Variants in TEX36 observed in about 807,000 individuals in gnomAD.
TEX36 encodes the protein testis-expressed protein 36.
A neutral mutation model predicts 13.6 loss-of-function variants in TEX36; 12 were observed. That is an observed-to-expected ratio of 0.88 (90% CI 0.56 to 1.43). TEX36 has a LOEUF of 1.43. TEX36 is among the 40% of genes most tolerant of loss of function. The pLI is 0.00. For synonymous variants in TEX36, 93 were observed against 83.0 expected, an observed-to-expected ratio of 1.12 and a Z score of -0.65; for missense variants, 224 against 228.3, an observed-to-expected ratio of 0.98 and a Z score of 0.12.
At chr10:125,611,424 C>T (rs1206407170) in intron 3 of TEX36, among the ~76,000 whole-genome samples, 1 of 152,118 alleles carries the variant, frequency 6.6e-6, no homozygotes, top group Admixed American at 6.5e-5. Context: ...AAAAGACATG[C>T]TATTGTTGTA....
At chr10:125,629,707 G>A (rs991299683) in intron 3 of TEX36, among the ~76,000 whole-genome samples, 1 of 152,100 alleles carries the variant, frequency 6.6e-6, no homozygotes, top group Non-Finnish European at 1.5e-5. Flanking sequence ...AGGGATGAAG[G>A]CCTTCCCAGC....
At chr10:125,577,516 C>A (rs866257067) in intron 3 of TEX36, among the ~76,000 whole-genome samples, 19 of 151,988 alleles carry the variant, frequency 1.3e-4, no homozygotes, top group East Asian at 5.8e-4. Context: ...AGAACACACA[C>A]AAAAAAATTG....
At chr10:125,599,369 G>A (rs529289704) in intron 3 of TEX36, among the ~76,000 whole-genome samples, 2 of 152,240 alleles carry the variant, frequency 1.3e-5, no homozygotes, top group East Asian at 3.9e-4. Flanking sequence ...CTGCCCTGGG[G>A]GCAGTGTCCT....
chr10:125,590,635 T>C (rs1419886011), intron 3 of TEX36, among the ~76,000 whole-genome samples: 2 of 152,152 alleles, frequency 1.3e-5, no homozygotes, highest in African/African-American at 2.4e-5. Context: ...TCCATGTCAA[T>C]AATGTACTGA....
intron 1 of TEX36, among the ~76,000 whole-genome samples, chr10:125,672,584 C>G (rs1354547576): frequency 1.3e-5 from 2 of 152,132 alleles, no homozygotes; most frequent in African/African-American, 4.8e-5. Context: ...TGCCATGTGG[C>G]ACCAAGAAGA....
At chr10:125,599,837 A>G (rs551627671) in intron 3 of TEX36, among the ~76,000 whole-genome samples, 15 of 152,306 alleles carry the variant, frequency 9.8e-5, no homozygotes, top group African/African-American at 3.6e-4. Context: ...CCCATCCGTA[A>G]ATGTGAGGCC....
At chr10:125,633,346 G>T (rs1224324678) in intron 3 of TEX36, among the ~76,000 whole-genome samples, 1 of 152,152 alleles carries the variant, frequency 6.6e-6, no homozygotes, top group East Asian at 1.9e-4. Flanking sequence ...GCTGATATTT[G>T]GTTGAATTTC....
At chr10:125,668,491 A>T (rs2133603726) in intron 1 of TEX36, among the ~76,000 whole-genome samples, 1 of 152,176 alleles carries the variant, frequency 6.6e-6, no homozygotes, top group South Asian at 2.1e-4. Flanking sequence ...TTTATTTAAA[A>T]AAAGATCTCC....
chr10:125,638,565 AAGT>A (rs1846647059), intron 3 of TEX36, among the ~76,000 whole-genome samples: 2 of 152,214 alleles, frequency 1.3e-5, no homozygotes, highest in African/African-American at 4.8e-5. Flanking sequence ...ATCAGATAAT[AAGT>A]TTATGTTGTT....
chr10:125,669,399 G>C (rs1245949353), intron 1 of TEX36, among the ~76,000 whole-genome samples: 3 of 152,030 alleles, frequency 2.0e-5, no homozygotes, highest in Non-Finnish European at 4.4e-5. Flanking sequence ...ATAATCACTT[G>C]AACCTGGGAG....
At chr10:125,670,372 T>C (rs1847203663) in intron 1 of TEX36, among the ~76,000 whole-genome samples, 1 of 152,244 alleles carries the variant, frequency 6.6e-6, no homozygotes, top group Admixed American at 6.5e-5. Flanking sequence ...TTCATATGTT[T>C]GTTGGCCGCA....
At chr10:125,623,615 A>T (rs913119755) in intron 3 of TEX36, among the ~76,000 whole-genome samples, 1 of 150,440 alleles carries the variant, frequency 6.6e-6, no homozygotes, top group Non-Finnish European at 1.5e-5. Flanking sequence ...TTAGTCCCTG[A>T]TCAACCAAAC....
chr10:125,618,138 C>A (rs1264598106), downstream of TEX36, among the ~76,000 whole-genome samples: 3 of 152,140 alleles, frequency 2.0e-5, no homozygotes, highest in Admixed American at 6.5e-5. Context: ...TCAGCTCCAT[C>A]AGCTCCTTTA....
chr10:125,597,708 C>G (rs774669120), intron 3 of TEX36, among the ~76,000 whole-genome samples: 21 of 152,162 alleles, frequency 1.4e-4, no homozygotes, highest in Non-Finnish European at 2.8e-4. Flanking sequence ...AGGACTTGCT[C>G]CAGGCCCCAC....
intron 3 of TEX36, among the ~76,000 whole-genome samples, chr10:125,642,595 G>A (rs1846707519): frequency 6.6e-6 from 1 of 152,182 alleles, no homozygotes; most frequent in Non-Finnish European, 1.5e-5. Flanking sequence ...TAAAGTGTGG[G>A]AGGGAGTTTA....
intron 3 of TEX36, among the ~76,000 whole-genome samples, chr10:125,625,807 C>T (rs562252761): frequency 2.0e-5 from 3 of 152,362 alleles, no homozygotes; most frequent in African/African-American, 7.2e-5. Flanking sequence ...GTGGCAAATA[C>T]TTTCTGTGTA....
rs539111424 is a variant in TEX36 at position 125,601,036 on chromosome 10, G to A, written c.265-24162C>T. On this transcript the variant is annotated intron_variant, in intron 3 of 3. Coordinates refer to the TEX36 transcript ENST00000532135. ...CTTTCTCATTTGGCCAGAGGAGTTGGCATGCATAAGTGTTGATTCAATTTT... is the reference window on the plus strand; with the variant it reads ...CTTTCTCATTTGGCCAGAGGAGTTGACATGCATAAGTGTTGATTCAATTTT... Among the ~76,000 whole-genome samples the A allele has an allele frequency of 1.7e-3, 255 of 152,310 alleles. 2 individuals carry two copies. The highest frequency in any genetic ancestry group is 3.0e-3 in the Non-Finnish European group (206 of 68,034).
downstream of TEX36, among the ~76,000 whole-genome samples, chr10:125,619,460 C>T (rs867031922): frequency 2.0e-5 from 3 of 152,070 alleles, no homozygotes; most frequent in Non-Finnish European, 4.4e-5. Context: ...ACCACCATGC[C>T]GTCTGCTCCT....
chr10:125,586,390 A>G (rs2133527431), intron 3 of TEX36, among the ~76,000 whole-genome samples: 1 of 152,208 alleles, frequency 6.6e-6, no homozygotes, highest in East Asian at 1.9e-4. Context: ...GGTCTTGTAC[A>G]TTTCTTGTTA....
Sources: allele counts gnomAD v4.1 joint callset (sites outside exome capture counted in the v4.1 genomes callset), GRCh38; gene constraint gnomAD v4.1.1; transcripts MANE v1.5; gene names NCBI Gene and HGNC (gene_info 2026-07-23, HGNC 2026-07-21).